Variants in BRWD3 observed in about 807,000 individuals in gnomAD.
BRWD3 encodes bromodomain and WD repeat domain containing 3.
A neutral mutation model predicts 149.7 loss-of-function variants in BRWD3; 10 were observed. The observed-to-expected ratio is 0.07, with a 90% CI of 0.04 to 0.11. BRWD3 has a LOEUF of 0.11. Ranked by LOEUF, BRWD3 falls within the 10% of genes least tolerant of loss-of-function variation. The probability of loss-of-function intolerance (pLI) is 1.00; values close to 1 mark genes in which losing one functional copy is unlikely to be tolerated. For missense variants in BRWD3, 940 were observed against 1,373.2 expected, an observed-to-expected ratio of 0.68 and a Z score of 4.99; for synonymous variants, 504 against 456.7, an observed-to-expected ratio of 1.10 and a Z score of -1.32.
intron 24 of BRWD3, among the ~76,000 whole-genome samples, chrX:80,700,445 A>AT (rs1210579000): frequency 0.018 from 58 of 3,167 alleles, no homozygotes; most frequent in South Asian, 0.03. Flanking sequence ...TATATATAAC[A>AT]ATACAATTAG....
At chrX:80,761,370 A>T (rs2073801009) in intron 6 of BRWD3, among the ~76,000 whole-genome samples, 1 of 112,167 alleles carries the variant, frequency 8.9e-6, no homozygotes, top group Admixed American at 9.5e-5. Flanking sequence ...TCATGCATGA[A>T]AAATAGATTA....
Position 80,671,497 on chromosome X carries a change from A to G in BRWD3, c.*5112T>C, listed in dbSNP as rs891645273. On this transcript the variant is annotated 3_prime_UTR_variant, in exon 41 of 41. Coordinates refer to ENST00000373275, the MANE Select transcript of BRWD3 (RefSeq NM_153252.5). ...AACTCCATATTTCTTTCTTCTGGTT[A>G]ATTTTTCTCTGGTACATAAATTAAG... 8.9e-6 allele frequency: 1 copy of G among 112,094 alleles called. No homozygotes were observed. Among genetic ancestry groups the G allele is most frequent in the African/African-American group, 3.2e-5 (1 of 30,901 alleles). The allele number at this position is 112,094 out of a possible 1,213,427, so 9.2% of individuals were successfully genotyped here.
At chrX:80,719,239 T>C (rs1016727403) in intron 18 of BRWD3, among the ~76,000 whole-genome samples, 1 of 111,350 alleles carries the variant, frequency 9.0e-6, no homozygotes, top group African/African-American at 3.3e-5. Flanking sequence ...ATGTAAAGAT[T>C]ACAGATAAAT....
At chrX:80,768,203 G>A (rs1035698199) in intron 6 of BRWD3, among the ~76,000 whole-genome samples, 7 of 111,110 alleles carry the variant, frequency 6.3e-5, no homozygotes, top group Non-Finnish European at 1.1e-4. Flanking sequence ...AGGCAGGAGA[G>A]CATTCAAATT....
At chrX:80,711,229 T>C (rs1031867027) in intron 20 of BRWD3, among the ~76,000 whole-genome samples, 5 of 111,860 alleles carry the variant, frequency 4.5e-5, no homozygotes, top group African/African-American at 1.6e-4. Flanking sequence ...TAGATTAACA[T>C]TGAGGGCTAA....
intron 17 of BRWD3, among the ~76,000 whole-genome samples, 193 bp from the exon 18 acceptor site, chrX:80,719,849 C>A (rs2073119648): frequency 9.0e-6 from 1 of 111,641 alleles, no homozygotes; most frequent in South Asian, 3.7e-4. Context: ...ACCAATGCTC[C>A]CAAATTAGAC....
At chrX:80,749,327 C>G (rs2073634823) in intron 6 of BRWD3, among the ~76,000 whole-genome samples, 2 of 111,382 alleles carry the variant, frequency 1.8e-5, no homozygotes, top group African/African-American at 6.5e-5. Flanking sequence ...CTTCCTCCCT[C>G]CCTCCCTTCA....
intron 35 of BRWD3, among the ~76,000 whole-genome samples, chrX:80,686,276 AG>A (rs1393516422): frequency 8.2e-5 from 3 of 36,773 alleles, no homozygotes; most frequent in Admixed American, 3.6e-4. Context: ...GGGTTGGGGG[AG>A]GGGGGAGGGA....
intron 4 of BRWD3, among the ~76,000 whole-genome samples, chrX:80,794,532 T>A (rs1323828767): frequency 9.2e-6 from 1 of 109,075 alleles, no homozygotes; most frequent in East Asian, 2.8e-4. Flanking sequence ...TAAAAAAATA[T>A]ATATATATCT....
chrX:80,800,491 G>T (rs1433478397), intron 4 of BRWD3, among the ~76,000 whole-genome samples: 1 of 100,458 alleles, frequency 1.0e-5, no homozygotes, highest in Non-Finnish European at 2.0e-5. Context: ...AGTGAGCCAT[G>T]ATCGAGCCAC....
chrX:80,809,724 A>T lies in BRWD3; in HGVS notation c.-253T>A, dbSNP rs868405722. The T allele has an allele frequency of 3.2e-3, 755 of 238,576 alleles. 10 individuals carry two copies. In the East Asian group the frequency reaches 0.041, roughly 13 times the overall value. The allele number at this position is 238,576 out of a possible 1,213,427, so 19.7% of individuals were successfully genotyped here. The stretch of plus-strand genomic sequence containing the variant: ...GGGAGAGAGAGAGTGAGTGAGTGAG[A>T]GAGAGAGAGAGAAGAGAGAGAGAGA... On this transcript the variant is annotated 5_prime_UTR_variant, in exon 1 of 41. Transcript: ENST00000373275.
chrX:80,709,786 A>T, intron 20 of BRWD3: 1 of 466,173 alleles, frequency 2.1e-6, no homozygotes, highest in Non-Finnish European at 3.6e-6. Context: ...AAACCTTGTG[A>T]TCAAATTAAA....
intron 6 of BRWD3, among the ~76,000 whole-genome samples, chrX:80,772,445 A>C (rs189393753): frequency 3.5e-4 from 39 of 110,841 alleles, no homozygotes; most frequent in African/African-American, 1.2e-3. Context: ...AGGGCGGGGA[A>C]CATCACACCC....
At chrX:80,698,160 G>T (rs1310886664) in intron 25 of BRWD3, among the ~76,000 whole-genome samples, 1 of 111,354 alleles carries the variant, frequency 9.0e-6, no homozygotes, top group African/African-American at 3.3e-5. Context: ...GAGATTGTTT[G>T]TTTTTTTGCT....
At chrX:80,806,882 GT>G (rs1217507739) in intron 4 of BRWD3, among the ~76,000 whole-genome samples, 1 of 111,874 alleles carries the variant, frequency 8.9e-6, no homozygotes, top group Non-Finnish European at 1.9e-5. Context: ...GGTTGTTGGG[GT>G]TTTTTTGGTG....
At chrX:80,682,166 ATACAAAGAGGTAT>A in intron 38 of BRWD3, 72 bp from the exon 39 acceptor site, 1 of 892,034 alleles carries the variant, frequency 1.1e-6, no homozygotes, top group Admixed American at 2.3e-5. Context: ...AGACAGTATG[ATACAAAGAGGTAT>A]CAAGGTCAGG....
intron 6 of BRWD3, among the ~76,000 whole-genome samples, chrX:80,757,566 T>G (rs1266230282): frequency 8.9e-6 from 1 of 112,230 alleles, no homozygotes; most frequent in African/African-American, 3.2e-5. Context: ...GTAGATAAAT[T>G]AGTCAAATAT....
chrX:80,779,369 T>A (rs2074034249), intron 6 of BRWD3, among the ~76,000 whole-genome samples: 1 of 110,278 alleles, frequency 9.1e-6, no homozygotes, highest in Non-Finnish European at 1.9e-5. Flanking sequence ...GGTTAAAGTG[T>A]AGTAAGCATA....
chrX:80,738,905 G>C (rs992722422), intron 8 of BRWD3, among the ~76,000 whole-genome samples: 3 of 111,822 alleles, frequency 2.7e-5, no homozygotes, highest in African/African-American at 6.5e-5. Context: ...AGGAGGCTGA[G>C]AATACAGAGC....
Sources: gnomAD v4.1 joint callset for allele counts (sites outside exome capture counted in the v4.1 genomes callset) on GRCh38, gnomAD v4.1.1 for gene constraint, MANE v1.5 for transcripts, NCBI Gene and HGNC (gene_info 2026-07-23, HGNC 2026-07-21) for gene names.